PCDHGA12: variants seen among roughly 807,000 people sequenced by gnomAD.
The protein encoded by PCDHGA12 is protocadherin gamma subfamily A, 12, also known as protocadherin gamma-A12.
In PCDHGA12, 43 loss-of-function variants were observed where a neutral mutation model predicts 61.1. That is an observed-to-expected ratio of 0.70 (90% confidence interval 0.55 to 0.91). The LOEUF (loss-of-function observed/expected upper bound fraction) is 0.91. PCDHGA12 is among the 40% of genes least tolerant of loss of function. PCDHGA12 has a pLI of 0.00. For synonymous variants in PCDHGA12, 520 were observed against 542.9 expected (o/e 0.96, Z 0.59); for missense variants, 1,236 against 1,227.7 (o/e 1.01, Z -0.10).
rs768812729 is a variant in PCDHGA12, at chr5:141,491,543, A to T, written c.2425-3264A>T. 2.5e-6 allele frequency: 4 copies of T among 1,613,842 alleles called. No individual in the cohort carries two copies. The highest frequency in any genetic ancestry group is 3.4e-6 in the Non-Finnish European group (4 of 1,179,982). The stretch of plus-strand genomic sequence containing the variant: ...ATGGAGGTGACGCTGCGGCCCACAG[A>T]CTCGCAGAGCCACTGCTACAGGACG... On this transcript the variant is annotated intron_variant, in intron 1 of 3. Transcript: ENST00000252085. This position sits in a 1 kb window ranked among gnomAD's most constrained non-coding sequence, Gnocchi z 6.9.
rs1472816403 is a variant in PCDHGA12 at position 141,451,473 on chromosome 5, C to T, written c.2424+18290C>T. On this transcript the variant is annotated intron_variant, in intron 1 of 3. Transcript: ENST00000252085. ...TGTTAGCTTGAGGTCTACCTCAGTTCCTTGCCATGTGGACCTCCATAGGGC... is the reference window on the plus strand; with the variant it reads ...TGTTAGCTTGAGGTCTACCTCAGTTTCTTGCCATGTGGACCTCCATAGGGC... Among the ~76,000 whole-genome samples the T allele has an allele frequency of 2.0e-5, 3 of 152,218 alleles. No homozygotes were observed. In the East Asian group the frequency reaches 5.8e-4, roughly 29 times the overall value.
chr5:141,431,879 C>T lies in PCDHGA12; in HGVS notation c.1120C>T (p.Gln374Ter). 1 of 1,614,162 alleles carries T rather than the reference C, an allele frequency of 6.2e-7. No individual in the cohort carries two copies. The highest frequency in any genetic ancestry group is 8.5e-7 in the Non-Finnish European group (1 of 1,179,970). Reference protein sequence around the residue: ...TLIALLNVNDQDSEENGQVIC... With the variant: ...TLIALLNVND ...AATTGCCCTTTTAAATGTAAATGAC[C>T]AAGATTCTGAGGAAAACGGACAGGT... The change falls in exon 1 of 4, where the codon CAA becomes TAA. Residue 374 changes from glutamine to a stop codon, truncating the protein, a stop_gained. Coordinates refer to ENST00000252085, the MANE Select transcript of PCDHGA12 (RefSeq NM_003735.3). LOFTEE classifies it high-confidence loss of function. The surrounding 1 kb of genome is among the most constrained non-coding windows in gnomAD (Gnocchi z 4.8).
chr5:141,461,830 CT>C (rs1030113508), intron 1 of PCDHGA12, among the ~76,000 whole-genome samples: 30 of 145,198 alleles, frequency 2.1e-4, no homozygotes, highest in Non-Finnish European at 2.4e-4. Flanking sequence ...ATTTTTTTTT[CT>C]TTTTTTTTTG....
At chr5:141,471,901 G>C (rs1224804131) in intron 1 of PCDHGA12, among the ~76,000 whole-genome samples, 1 of 152,146 alleles carries the variant, frequency 6.6e-6, no homozygotes, top group Non-Finnish European at 1.5e-5. Context: ...ATTGACTACA[G>C]ACAAGCATGA....
chr5:141,473,163 G>T (rs1379230893), intron 1 of PCDHGA12, among the ~76,000 whole-genome samples: 2 of 152,160 alleles, frequency 1.3e-5, no homozygotes, highest in Non-Finnish European at 1.5e-5. Flanking sequence ...GGGCTAGGAA[G>T]GCCCACTGGT....
intron 1 of PCDHGA12, among the ~76,000 whole-genome samples, chr5:141,465,422 G>A (rs74711061): frequency 0.01 from 1,576 of 152,260 alleles, 21 homozygotes; most frequent in African/African-American, 0.037. Context: ...AGCACTGAAA[G>A]GTGGGCACTT....
At chr5:141,460,795 G>A (rs1007673184) in intron 1 of PCDHGA12, among the ~76,000 whole-genome samples, 3 of 151,492 alleles carry the variant, frequency 2.0e-5, no homozygotes, top group African/African-American at 4.9e-5. Flanking sequence ...TACACACAAA[G>A]TATATATATG....
chr5:141,476,951 A>C lies in PCDHGA12; in HGVS notation c.2425-17856A>C. On this transcript the variant is annotated intron_variant, in intron 1 of 3. Coordinates refer to ENST00000252085, the MANE Select transcript of PCDHGA12 (RefSeq NM_003735.3). The surrounding 1 kb of genome is among the most constrained non-coding windows in gnomAD (Gnocchi z 7.6). ...TCTGGATGAAGGCCCCAACGGTGAA[A>C]TTATTTACTCCTTCGGCAGCCACAA... 6.2e-7 allele frequency: 1 copy of C among 1,614,184 alleles called. No individual in the cohort carries two copies. Among genetic ancestry groups the C allele is most frequent in the South Asian group, 1.1e-5 (1 of 91,088 alleles).
chr5:141,494,926 G>T, intron 2 of PCDHGA12, 61 bp downstream of exon 2: 1 of 1,613,498 alleles, frequency 6.2e-7, no homozygotes, highest in Non-Finnish European at 8.5e-7. Flanking sequence ...GGATGACGTG[G>T]GAGGAGATGG....
Position 141,490,600 on chromosome 5 carries a change from T to G in PCDHGA12, c.2425-4207T>G. 6.2e-7 allele frequency: 1 copy of G among 1,614,164 alleles called. No homozygotes were observed. Among genetic ancestry groups the G allele is most frequent in the South Asian group, 1.1e-5 (1 of 91,072 alleles). ...AGATGTCAATGACAATGCACCCCGCTTCAACCAGCAGCTTTACACTGCTTA... is the reference window on the plus strand; with the variant it reads ...AGATGTCAATGACAATGCACCCCGCGTCAACCAGCAGCTTTACACTGCTTA... On this transcript the variant is annotated intron_variant, in intron 1 of 3. Coordinates refer to ENST00000252085, the MANE Select transcript of PCDHGA12 (RefSeq NM_003735.3). The surrounding 1 kb of genome is among the most constrained non-coding windows in gnomAD (Gnocchi z 5.4).
Position 141,490,013 on chromosome 5 carries a change from G to A in PCDHGA12, c.2425-4794G>A. 6.2e-7 allele frequency: 1 copy of A among 1,614,206 alleles called. No individual in the cohort carries two copies. The highest frequency in any genetic ancestry group is 1.1e-5 in the South Asian group (1 of 91,088). Reference sequence around the variant, plus strand: ...GGAATCCCAGAGAATGCACCCATTGGTACTCTGCTGCTCCGCCTCAATGCC... The same window carrying A: ...GGAATCCCAGAGAATGCACCCATTGATACTCTGCTGCTCCGCCTCAATGCC... On this transcript the variant is annotated intron_variant, in intron 1 of 3. Transcript: ENST00000252085. This position sits in a 1 kb window ranked among gnomAD's most constrained non-coding sequence, Gnocchi z 5.4.
chr5:141,435,593 G>T (rs183768133), intron 1 of PCDHGA12, among the ~76,000 whole-genome samples: 1 of 152,112 alleles, frequency 6.6e-6, no homozygotes, highest in East Asian at 1.9e-4. Flanking sequence ...CAGTAATATC[G>T]CCTGCTTTTT....
At chr5:141,472,412 G>C (rs1283620276) in intron 1 of PCDHGA12, among the ~76,000 whole-genome samples, 1 of 152,058 alleles carries the variant, frequency 6.6e-6, no homozygotes, top group Non-Finnish European at 1.5e-5. Context: ...GTGGTGGCAC[G>C]CACCTGTATC....
At chr5:141,450,080 C>G (rs140080701) in intron 1 of PCDHGA12, among the ~76,000 whole-genome samples, 6,313 of 144,358 alleles carry the variant, frequency 0.044, 398 homozygotes, top group Admixed American at 0.19. Context: ...GATCTTGGCT[C>G]ACTGCAACCT....
At chr5:141,500,728 T>C (rs556463739) in intron 2 of PCDHGA12, among the ~76,000 whole-genome samples, 1 of 152,310 alleles carries the variant, frequency 6.6e-6, no homozygotes, top group South Asian at 2.1e-4. Context: ...CCCATGTCTT[T>C]CAAAATTCTT....
chr5:141,478,272 A>T, intron 1 of PCDHGA12: 7 of 1,614,160 alleles, frequency 4.3e-6, no homozygotes, highest in Non-Finnish European at 5.9e-6. Context: ...AAAGTTTACA[A>T]GTGGAAGCAG....
In PCDHGA12 at chr5:141,491,283, C is replaced by G; in HGVS notation, c.2425-3524C>G. ...AAATGCCCAAATCCAGTGACTTCCT[C>G]ATACACCCTCCTGAGCGTTCAGACC... On this transcript the variant is annotated intron_variant, in intron 1 of 3. Coordinates refer to ENST00000252085, the MANE Select transcript of PCDHGA12 (RefSeq NM_003735.3). The surrounding 1 kb of genome is among the most constrained non-coding windows in gnomAD (Gnocchi z 6.9). The G allele has an allele frequency of 1.2e-6, 2 of 1,614,164 alleles. No homozygotes were observed.
At chr5:141,461,009 A>T (rs1407993113) in intron 1 of PCDHGA12, among the ~76,000 whole-genome samples, 1 of 151,542 alleles carries the variant, frequency 6.6e-6, no homozygotes, top group Admixed American at 6.6e-5. Flanking sequence ...GTATATATAT[A>T]TACCACATTT....
rs183831513 is a variant in PCDHGA12 at position 141,497,605 on chromosome 5, T to A, written c.2483+2740T>A. ...CCCAAGCTGGAGTGCAGTGGTGCGA[T>A]CTTGGCTCACTGCAACCTCTGCCTG... On this transcript the variant is annotated intron_variant, in intron 2 of 3. Coordinates refer to ENST00000252085, the MANE Select transcript of PCDHGA12 (RefSeq NM_003735.3). Among the ~76,000 whole-genome samples, 19 of 151,488 alleles carry A rather than the reference T, an allele frequency of 1.3e-4. No individual in the cohort carries two copies. In the East Asian group the frequency reaches 3.7e-3, roughly 29 times the overall value.
Sources: gnomAD v4.1 joint callset for allele counts (sites outside exome capture counted in the v4.1 genomes callset) on GRCh38, gnomAD v4.1.1 for gene constraint, Gnocchi (gnomAD v3.1) non-coding constraint, MANE v1.5 for transcripts, NCBI Gene and HGNC (gene_info 2026-07-23, HGNC 2026-07-21) for gene names.